SNTG2: variants seen among roughly 807,000 people sequenced by gnomAD.
SNTG2 encodes the protein syntrophin gamma 2.
SNTG2 carries 74 observed loss-of-function variants against 70.9 expected under a neutral mutation model. The observed-to-expected ratio is 1.04, with a 90% CI of 0.86 to 1.27. The LOEUF (loss-of-function observed/expected upper bound fraction) is 1.27, where lower values mean the gene tolerates loss of function less well. Ranked by LOEUF, SNTG2 falls within the 50% of genes most tolerant of loss-of-function variation. SNTG2 has a pLI of 0.00. For missense variants in SNTG2, 717 were observed against 690.7 expected, an observed-to-expected ratio of 1.04 and a Z score of -0.43; for synonymous variants, 278 against 273.8, an observed-to-expected ratio of 1.02 and a Z score of -0.15.
intron 1 of SNTG2, among the ~76,000 whole-genome samples, chr2:968,304 A>G (rs769630338): frequency 2.8e-5 from 4 of 142,192 alleles, no homozygotes; most frequent in African/African-American, 8.2e-5. Flanking sequence ...TTTAAAGTCT[A>G]TAGGTTCTGT....
intron 1 of SNTG2, among the ~76,000 whole-genome samples, chr2:1,026,692 G>A (rs1367953943): frequency 1.3e-5 from 2 of 152,078 alleles, no homozygotes; most frequent in Admixed American, 6.5e-5. Context: ...AACAACCCTC[G>A]GAATAACCCA....
chr2:1,228,686 C>T (rs1477500683), intron 9 of SNTG2, among the ~76,000 whole-genome samples: 1 of 152,176 alleles, frequency 6.6e-6, no homozygotes, highest in Non-Finnish European at 1.5e-5. Flanking sequence ...CAGCCTCCAC[C>T]CATGTTCCAT....
intron 1 of SNTG2, among the ~76,000 whole-genome samples, chr2:1,031,687 C>T (rs542658429): frequency 1.5e-4 from 22 of 151,410 alleles, no homozygotes; most frequent in South Asian, 1.3e-3. Flanking sequence ...CGTCCCACCA[C>T]GCCCAGCTAA....
At position 1,203,817 on chromosome 2, in the gene SNTG2, A is replaced by G. The variant is rs899358808; in HGVS notation, c.592-5286A>G. ...TAACAAATCGAAAGAAGGATCATGT[A>G]TCATGAAAAAAATGGGGCTTATTTC... On this transcript the variant is annotated intron_variant, in intron 8 of 16. Coordinates refer to ENST00000308624, the MANE Select transcript of SNTG2 (RefSeq NM_018968.4). 3.9e-5 allele frequency among the ~76,000 whole-genome samples: 6 copies of G among 152,060 alleles called. No individual in the cohort carries two copies. The East Asian group carries it at 9.6e-4, about 24-fold the overall frequency.
intron 1 of SNTG2, among the ~76,000 whole-genome samples, chr2:1,061,440 A>G (rs1438671178): frequency 2.0e-5 from 3 of 152,248 alleles, no homozygotes. Flanking sequence ...ATGTTTGTGC[A>G]GCAAACAGCT....
chr2:961,587 T>C (rs1660353056), intron 1 of SNTG2, among the ~76,000 whole-genome samples: 1 of 152,264 alleles, frequency 6.6e-6, no homozygotes, highest in South Asian at 2.1e-4. Flanking sequence ...TATCTTTTAA[T>C]GGAGCATTTT....
At chr2:1,269,219 G>A (rs557477138) in intron 14 of SNTG2, among the ~76,000 whole-genome samples, 2 of 152,244 alleles carry the variant, frequency 1.3e-5, no homozygotes, top group East Asian at 3.9e-4. Flanking sequence ...TAAAGGGGGT[G>A]AAGTCTGCGC....
At chr2:1,291,742 T>C (rs1475336484) in intron 14 of SNTG2, among the ~76,000 whole-genome samples, 1 of 152,236 alleles carries the variant, frequency 6.6e-6, no homozygotes, top group African/African-American at 2.4e-5. Context: ...TTTTGATTAA[T>C]GTAGCTTTGC....
chr2:1,218,101 A>G (rs1025313830), intron 9 of SNTG2, among the ~76,000 whole-genome samples: 2 of 151,944 alleles, frequency 1.3e-5, no homozygotes, highest in Admixed American at 1.3e-4. Flanking sequence ...AGAGACCACC[A>G]TGTTCATTGA....
chr2:1,276,658 C>T (rs1382163495), intron 14 of SNTG2, among the ~76,000 whole-genome samples: 1 of 152,218 alleles, frequency 6.6e-6, no homozygotes, highest in Admixed American at 6.5e-5. Flanking sequence ...ATACAACATC[C>T]ACTCTACAGG....
At chr2:1,348,355 C>G (rs1276636440) in intron 16 of SNTG2, among the ~76,000 whole-genome samples, 2 of 152,318 alleles carry the variant, frequency 1.3e-5, no homozygotes, top group Admixed American at 6.5e-5. Context: ...CCTCATGATG[C>G]CTCTCTGGCA....
chr2:1,189,167 G>A (rs929095038), intron 8 of SNTG2, among the ~76,000 whole-genome samples: 9 of 151,950 alleles, frequency 5.9e-5, no homozygotes, highest in Middle Eastern at 3.2e-3. Flanking sequence ...AATAGAAAGC[G>A]TAATAAAAAT....
intron 1 of SNTG2, among the ~76,000 whole-genome samples, chr2:1,075,941 T>A (rs1663886234): frequency 6.6e-6 from 1 of 152,170 alleles, no homozygotes; most frequent in Admixed American, 6.5e-5. Context: ...GTTGCAATTA[T>A]CTCCTTTTAC....
chr2:1,058,253 A>G (rs1160184803), intron 1 of SNTG2, among the ~76,000 whole-genome samples: 1 of 152,156 alleles, frequency 6.6e-6, no homozygotes, highest in Non-Finnish European at 1.5e-5. Flanking sequence ...TGTCTTCTCA[A>G]TGAGGGTAGT....
At chr2:1,069,460 C>T (rs1294290844) in intron 1 of SNTG2, among the ~76,000 whole-genome samples, 1 of 147,896 alleles carries the variant, frequency 6.8e-6, no homozygotes, top group Admixed American at 6.8e-5. Flanking sequence ...GATTATGGAA[C>T]AGGGAAAGAA....
intron 4 of SNTG2, among the ~76,000 whole-genome samples, chr2:1,109,971 G>C (rs951924076): frequency 6.6e-6 from 1 of 152,212 alleles, no homozygotes; most frequent in Non-Finnish European, 1.5e-5. Flanking sequence ...CTGAGCTGAA[G>C]GGCGGGTTCT....
chr2:957,956 CT>C (rs934631826), intron 1 of SNTG2, among the ~76,000 whole-genome samples: 32 of 152,176 alleles, frequency 2.1e-4, no homozygotes, highest in African/African-American at 6.3e-4. Flanking sequence ...AGTAATATAG[CT>C]TTTAGGGAAT....
At chr2:1,054,953 G>GTTTTTGT (rs758692394) in intron 1 of SNTG2, among the ~76,000 whole-genome samples, 145 of 150,390 alleles carry the variant, frequency 9.6e-4, no homozygotes, top group Middle Eastern at 3.4e-3. Flanking sequence ...TTTTGTTTTT[G>GTTTTTGT]TTTTTTTTTC....
chr2:1,246,317 C>G (rs1677423850), intron 11 of SNTG2, among the ~76,000 whole-genome samples: 1 of 152,176 alleles, frequency 6.6e-6, no homozygotes, highest in Non-Finnish European at 1.5e-5. Flanking sequence ...TCTCGACTTC[C>G]CAGGAAGTCT....
Sources: allele counts gnomAD v4.1 joint callset (sites outside exome capture counted in the v4.1 genomes callset), GRCh38; gene constraint gnomAD v4.1.1; transcripts MANE v1.5; gene names NCBI Gene and HGNC (gene_info 2026-07-23, HGNC 2026-07-21).